Variants in GRB14 observed in about 807,000 individuals in gnomAD.
GRB14 encodes the protein growth factor receptor-bound protein 14.
Under a neutral mutation model 69.1 loss-of-function variants are expected in GRB14, and 38 were observed. The ratio of observed to expected loss-of-function variants is 0.55; its 90% CI spans 0.42 to 0.72. GRB14 has a LOEUF of 0.72. Among genes scored for constraint, GRB14 ranks in the 30% least tolerant of loss-of-function variants. GRB14 has a pLI of 0.00. For synonymous variants in GRB14, 247 were observed against 241.3 expected, an observed-to-expected ratio of 1.02 and a Z score of -0.22; for missense variants, 666 against 666.1, an observed-to-expected ratio of 1.00 and a Z score of 0.00.
chr2:164,594,903 A>T (rs1689748522), intron 2 of GRB14, among the ~76,000 whole-genome samples: 1 of 152,226 alleles, frequency 6.6e-6, no homozygotes, highest in Middle Eastern at 3.2e-3. Flanking sequence ...TACAGTAAAC[A>T]TCAAAGTCTG....
intron 3 of GRB14, among the ~76,000 whole-genome samples, chr2:164,539,448 T>C (rs1440305581): frequency 6.7e-6 from 1 of 150,014 alleles, no homozygotes; most frequent in Non-Finnish European, 1.5e-5. Context: ...TACTCCACCC[T>C]GGGCGACAGA....
intron 13 of GRB14, among the ~76,000 whole-genome samples, chr2:164,493,610 ATAT>A (rs1476587182): frequency 6.6e-6 from 1 of 152,208 alleles, no homozygotes; most frequent in Non-Finnish European, 1.5e-5. Flanking sequence ...AAGTAATCAC[ATAT>A]TATGCTAATG....
intron 2 of GRB14, among the ~76,000 whole-genome samples, chr2:164,609,260 C>T (rs528767392): frequency 3.0e-4 from 45 of 152,166 alleles, no homozygotes; most frequent in Non-Finnish European, 5.9e-4. Flanking sequence ...GCTGCCATGC[C>T]CAAGTTCTGA....
At chr2:164,543,422 A>G (rs1688289447) in intron 3 of GRB14, among the ~76,000 whole-genome samples, 2 of 152,216 alleles carry the variant, frequency 1.3e-5, no homozygotes, top group South Asian at 4.1e-4. Flanking sequence ...GCCATCATGG[A>G]TGCTGGACTC....
intron 2 of GRB14, among the ~76,000 whole-genome samples, chr2:164,602,841 A>G (rs1689952264): frequency 6.6e-6 from 1 of 152,226 alleles, no homozygotes; most frequent in Admixed American, 6.5e-5. Flanking sequence ...TATATCTATT[A>G]TGGGAAGAGA....
intron 6 of GRB14, among the ~76,000 whole-genome samples, chr2:164,518,136 T>C (rs1041643047): frequency 2.0e-5 from 3 of 152,160 alleles, no homozygotes; most frequent in African/African-American, 4.8e-5. Context: ...CAAGTCTTAA[T>C]ACATTTTTAA....
At chr2:164,584,163 T>A (rs1689480971) in intron 2 of GRB14, among the ~76,000 whole-genome samples, 1 of 137,886 alleles carries the variant, frequency 7.3e-6, no homozygotes, top group South Asian at 2.4e-4. Flanking sequence ...TTTTTTTTTT[T>A]TTTTTTTTTT....
intron 6 of GRB14, among the ~76,000 whole-genome samples, chr2:164,514,510 T>C (rs1290452216): frequency 6.6e-6 from 1 of 151,920 alleles, no homozygotes; most frequent in Non-Finnish European, 1.5e-5. Flanking sequence ...TTGAGTGAAA[T>C]ACAGGGTAGA....
intron 6 of GRB14, among the ~76,000 whole-genome samples, chr2:164,519,592 T>A (rs1379689890): frequency 6.6e-6 from 1 of 152,148 alleles, no homozygotes; most frequent in Admixed American, 6.6e-5. Flanking sequence ...GATGATATGA[T>A]CGTATACCTA....
chr2:164,538,477 A>C (rs1688141138), intron 3 of GRB14, among the ~76,000 whole-genome samples: 1 of 152,198 alleles, frequency 6.6e-6, no homozygotes, highest in South Asian at 2.1e-4. Flanking sequence ...AAACCACACC[A>C]GTTGCAAAAC....
chr2:164,516,334 A>G (rs1359988203), intron 6 of GRB14, among the ~76,000 whole-genome samples: 1 of 152,114 alleles, frequency 6.6e-6, no homozygotes, highest in Non-Finnish European at 1.5e-5. Flanking sequence ...GGTAACCTAT[A>G]AAAGAAAACC....
At chr2:164,554,695 G>A (rs571721405) in intron 2 of GRB14, among the ~76,000 whole-genome samples, 14 of 152,114 alleles carry the variant, frequency 9.2e-5, no homozygotes, top group South Asian at 2.1e-4. Context: ...AATTTAATAC[G>A]TAGTCACTGC....
At position 164,561,320 on chromosome 2, in the gene GRB14, A is replaced by G. The variant is rs368956267; in HGVS notation, c.325-13504T>C. Among the ~76,000 whole-genome samples the G allele has an allele frequency of 1.5e-4, 23 of 152,298 alleles. 1 individual carries two copies. The South Asian group carries it at 4.8e-3, about 32-fold the overall frequency. On this transcript the variant is annotated intron_variant, in intron 2 of 13. Transcript: ENST00000263915. ...GGCAAAATGCTGGCAAACTGATAGC[A>G]CTCAACTAATGTTAGCAATTATTAT...
chr2:164,584,633 T>C (rs1391248596), intron 2 of GRB14, among the ~76,000 whole-genome samples: 1 of 152,076 alleles, frequency 6.6e-6, no homozygotes, highest in Non-Finnish European at 1.5e-5. Flanking sequence ...TTCTCCTAAA[T>C]ATCACCATTG....
intron 2 of GRB14, among the ~76,000 whole-genome samples, chr2:164,553,137 T>G (rs1574301631): frequency 6.6e-6 from 1 of 152,148 alleles, no homozygotes; most frequent in South Asian, 2.1e-4. Flanking sequence ...GCATGTTCTA[T>G]CTCTTATTTC....
In GRB14 at chr2:164,525,018, T is replaced by C; in HGVS notation, c.664A>G (p.Thr222Ala). The C allele has an allele frequency of 6.3e-7, 1 of 1,580,140 alleles. No homozygotes were observed. Among genetic ancestry groups the C allele is most frequent in the Non-Finnish European group, 8.6e-7 (1 of 1,156,404 alleles). ...ATATATTTTACCTGCAAAATCTGTG[T>C]GGGGGATATTTCACCATTGGTTTCA... is the stretch of plus-strand genomic sequence containing the variant. ...ATETNGEISP[T>A]QILQMFLSSS... Residue 222 changes from threonine (T) to alanine (A), a missense_variant, in exon 5 of 14, where the codon ACA (threonine) becomes GCA (alanine). Thr to Ala is a moderately conservative substitution (Grantham distance 58, BLOSUM62 0). Coordinates refer to ENST00000263915, the MANE Select transcript of GRB14 (RefSeq NM_004490.3).
intron 12 of GRB14, among the ~76,000 whole-genome samples, chr2:164,494,878 T>A (rs964152891): frequency 3.3e-5 from 5 of 152,208 alleles, no homozygotes; most frequent in African/African-American, 1.2e-4. Context: ...TGCCTAAAGA[T>A]TAAGGCATTT....
chr2:164,562,362 G>A (rs907875492), intron 2 of GRB14, among the ~76,000 whole-genome samples: 7 of 152,068 alleles, frequency 4.6e-5, no homozygotes, highest in East Asian at 1.9e-4. Flanking sequence ...ATTCATCAGC[G>A]TATATAGTTG....
intron 2 of GRB14, among the ~76,000 whole-genome samples, chr2:164,561,690 G>A (rs765887137): frequency 3.3e-5 from 5 of 152,168 alleles, no homozygotes; most frequent in Non-Finnish European, 7.3e-5. Flanking sequence ...ATTTATGAGC[G>A]AGGTGCTTTG....
Sources: allele counts gnomAD v4.1 joint callset (sites outside exome capture counted in the v4.1 genomes callset), GRCh38; gene constraint gnomAD v4.1.1; transcripts MANE v1.5; gene names NCBI Gene and HGNC (gene_info 2026-07-23, HGNC 2026-07-21).